The following RHOA variants were observed in gnomAD, a reference collection of about 807,000 sequenced individuals.
RHOA encodes the protein ras homolog family member A.
Under a neutral mutation model 17.5 loss-of-function variants are expected in RHOA, and 3 were observed. The ratio of observed to expected loss-of-function variants is 0.17; its 90% CI spans 0.08 to 0.44. The LOEUF (loss-of-function observed/expected upper bound fraction) is 0.44. Among genes scored for constraint, RHOA ranks in the 20% least tolerant of loss-of-function variants. The pLI is 0.99. For missense variants in RHOA, 56 were observed against 242.3 expected (o/e 0.23, Z 5.10); for synonymous variants, 98 against 88.4 (o/e 1.11, Z -0.61).
At chr3:49,389,573 A>T (rs2048460919) in intron 1 of RHOA, among the ~76,000 whole-genome samples, 1 of 152,190 alleles carries the variant, frequency 6.6e-6, no homozygotes, top group Non-Finnish European at 1.5e-5. Flanking sequence ...GACACTTCTT[A>T]CTTCTTACAG....
intron 3 of RHOA, among the ~76,000 whole-genome samples, chr3:49,364,625 C>T (rs1419527490): frequency 6.6e-6 from 1 of 151,778 alleles, no homozygotes; most frequent in Non-Finnish European, 1.5e-5. Context: ...CGTGCCACTG[C>T]CCTCCAGCCT....
At chr3:49,402,968 C>T (rs1473841488) in intron 1 of RHOA, among the ~76,000 whole-genome samples, 3 of 148,680 alleles carry the variant, frequency 2.0e-5, no homozygotes, top group Non-Finnish European at 4.4e-5. Flanking sequence ...ACCCGAGAGG[C>T]GGAGGTTGCA....
At chr3:49,403,435 C>T (rs1322023994) in intron 1 of RHOA, among the ~76,000 whole-genome samples, 1 of 152,088 alleles carries the variant, frequency 6.6e-6, no homozygotes, top group Non-Finnish European at 1.5e-5. Context: ...ATCAAACTGG[C>T]GGTTTGTGGT....
chr3:49,407,118 C>G (rs1443776986), intron 1 of RHOA, among the ~76,000 whole-genome samples: 1 of 151,892 alleles, frequency 6.6e-6, no homozygotes, highest in Non-Finnish European at 1.5e-5. Flanking sequence ...TGCACTCCAG[C>G]CTGGGTGACA....
intron 1 of RHOA, among the ~76,000 whole-genome samples, chr3:49,402,085 T>G (rs978292950): frequency 6.6e-6 from 1 of 152,170 alleles, no homozygotes. Flanking sequence ...TCAAGTTCTT[T>G]GGGGAAAGAC....
At chr3:49,391,167 G>A (rs1203406447) in intron 1 of RHOA, among the ~76,000 whole-genome samples, 3 of 149,534 alleles carry the variant, frequency 2.0e-5, no homozygotes, top group Non-Finnish European at 4.4e-5. Flanking sequence ...GCAGTGAGCC[G>A]AGATCGCACC....
At chr3:49,409,186 G>C (rs1275366096) in intron 1 of RHOA, among the ~76,000 whole-genome samples, 2 of 151,858 alleles carry the variant, frequency 1.3e-5, no homozygotes, top group African/African-American at 2.4e-5. Context: ...CCTGAGGTCA[G>C]GAGTTCAAGA....
chr3:49,362,656 T>G (rs776831777), intron 3 of RHOA, 30 bp from the exon 4 acceptor site: 2 of 1,593,570 alleles, frequency 1.3e-6, no homozygotes, highest in South Asian at 2.3e-5. Context: ...AATTTGGGGA[T>G]ACATACAATT....
intron 1 of RHOA, among the ~76,000 whole-genome samples, chr3:49,396,102 G>C (rs190996466): frequency 6.6e-6 from 1 of 152,198 alleles, no homozygotes; most frequent in East Asian, 1.9e-4. Context: ...CAAGAAAAAA[G>C]GAAGAACACA....
At chr3:49,402,764 G>A (rs1335930792) in intron 1 of RHOA, among the ~76,000 whole-genome samples, 2 of 152,108 alleles carry the variant, frequency 1.3e-5, no homozygotes, top group Non-Finnish European at 2.9e-5. Context: ...TAGGCCAGGA[G>A]CAGTGGCTCA....
rs191682015 is a variant in RHOA at position 49,364,897 on chromosome 3, G to A, written c.278-2271C>T. 4.6e-3 allele frequency among the ~76,000 whole-genome samples: 701 copies of A among 151,964 alleles called. 9 individuals carry two copies. The highest frequency in any genetic ancestry group is 0.015 in the African/African-American group (630 of 41,472). ...TGAGGCAGAAGAAGTGCTTGAACCC[G>A]GGAGGCGGAGTGCAGTGAGCTGAGA... On this transcript the variant is annotated intron_variant, in intron 3 of 4. Coordinates refer to ENST00000418115, the MANE Select transcript of RHOA (RefSeq NM_001664.4).
At chr3:49,364,019 C>G (rs1442434154) in intron 3 of RHOA, among the ~76,000 whole-genome samples, 1 of 151,716 alleles carries the variant, frequency 6.6e-6, no homozygotes. Flanking sequence ...CTACTGCACT[C>G]CAGCCAGGGT....
At position 49,405,927 on chromosome 3, in the gene RHOA, C is replaced by T. The variant is rs541025711; in HGVS notation, c.-3+5893G>A. Among the ~76,000 whole-genome samples, 41 of 152,272 alleles carry T rather than the reference C, an allele frequency of 2.7e-4. 1 individual carries two copies. The highest frequency in any genetic ancestry group is 2.1e-4 in the Non-Finnish European group (14 of 68,016). On this transcript the variant is annotated intron_variant, in intron 1 of 4. Transcript: ENST00000418115. The stretch of plus-strand genomic sequence containing the variant: ...TTCGAACTCCTGACCTCAGGTGACC[C>T]ACCCACCTCGGCCTCCCAAAGTGCT...
At chr3:49,396,128 C>A (rs745662939) in intron 1 of RHOA, among the ~76,000 whole-genome samples, 6 of 152,034 alleles carry the variant, frequency 3.9e-5, no homozygotes, top group Non-Finnish European at 7.4e-5. Context: ...AGAAAAGAGT[C>A]CAAACTACAT....
At chr3:49,384,004 TG>T (rs2048358379) in intron 1 of RHOA, among the ~76,000 whole-genome samples, 1 of 152,082 alleles carries the variant, frequency 6.6e-6, no homozygotes, top group Non-Finnish European at 1.5e-5. Flanking sequence ...CATTACAGCC[TG>T]GGCGGCAGAG....
At chr3:49,403,863 A>C (rs1226472648) in intron 1 of RHOA, among the ~76,000 whole-genome samples, 1 of 152,124 alleles carries the variant, frequency 6.6e-6, no homozygotes, top group Admixed American at 6.6e-5. Context: ...GTTTGGGAAC[A>C]GTGGAGTCTA....
intron 1 of RHOA, among the ~76,000 whole-genome samples, chr3:49,398,970 T>C (rs1330990564): frequency 7.2e-6 from 1 of 139,258 alleles, no homozygotes; most frequent in Non-Finnish European, 1.5e-5. Flanking sequence ...GACAGGAGAA[T>C]TGCTGCCTCG....
rs963176937 is a variant in RHOA at position 49,376,644 on chromosome 3, CAAAA to C, written c.-2-1057_-2-1054del. ...GGGGACAGAGTAAGACTCCATCTCA[CAAAA>C]AAAAAAAAAAAAAAAAAGGAAACAA... is the stretch of plus-strand genomic sequence containing the variant. On this transcript the variant is annotated intron_variant, in intron 1 of 4. Coordinates refer to ENST00000418115, the MANE Select transcript of RHOA (RefSeq NM_001664.4). 2.0e-3 allele frequency among the ~76,000 whole-genome samples: 87 copies of C among 43,840 alleles called. No individual in the cohort carries two copies. In the East Asian group the frequency reaches 0.049, roughly 25 times the overall value. The allele number at this position is 43,840 out of a possible 152,430, so 28.8% of individuals were successfully genotyped here.
Position 49,391,672 on chromosome 3 carries a change from C to T in RHOA, c.-2-16081G>A, listed in dbSNP as rs1458925731. ...GATTACAGGCATGCACCACCATGCC[C>T]GGGTAATTTTGTATTTTTAGTAGAG... On this transcript the variant is annotated intron_variant, in intron 1 of 4. Transcript: ENST00000418115. 3.3e-5 allele frequency among the ~76,000 whole-genome samples: 5 copies of T among 151,870 alleles called. No homozygotes were observed. The East Asian group carries it at 5.8e-4, about 18-fold the overall frequency.
Sources: allele counts gnomAD v4.1 joint callset (sites outside exome capture counted in the v4.1 genomes callset), GRCh38; gene constraint gnomAD v4.1.1; transcripts MANE v1.5; gene names NCBI Gene and HGNC (gene_info 2026-07-23, HGNC 2026-07-21).